ULK2: variants seen among roughly 807,000 people sequenced by gnomAD.
ULK2 encodes the protein unc-51 like autophagy activating kinase 2, also known as serine/threonine-protein kinase ULK2.
ULK2 carries 76 observed loss-of-function variants against 127.5 expected under a neutral mutation model. The observed-to-expected ratio is 0.60, with a 90% CI of 0.50 to 0.72. ULK2 has a LOEUF of 0.72. Ranked by LOEUF, ULK2 falls within the 30% of genes least tolerant of loss-of-function variation. The probability of loss-of-function intolerance (pLI) is 0.00; values close to 1 mark genes in which losing one functional copy is unlikely to be tolerated. For synonymous variants in ULK2, 452 were observed against 461.9 expected (o/e 0.98, Z 0.28); for missense variants, 1,144 against 1,295.9 (o/e 0.88, Z 1.80).
At chr17:19,845,080 T>A (rs1324958923) in intron 7 of ULK2, among the ~76,000 whole-genome samples, 1 of 152,202 alleles carries the variant, frequency 6.6e-6, no homozygotes, top group South Asian at 2.1e-4. Context: ...TAATCTTTTT[T>A]AAAAAATAAA....
intron 13 of ULK2, among the ~76,000 whole-genome samples, chr17:19,814,607 T>C (rs1158079278): frequency 2.0e-5 from 3 of 151,658 alleles, no homozygotes; most frequent in Non-Finnish European, 4.4e-5. Flanking sequence ...AGGTGGGGTC[T>C]TGCCATGATG....
chr17:19,784,508 T>G (rs538908007), intron 21 of ULK2, among the ~76,000 whole-genome samples: 39 of 134,200 alleles, frequency 2.9e-4, no homozygotes, highest in African/African-American at 1.0e-3. Flanking sequence ...ACACTGGACA[T>G]GATACTTTTT....
intron 12 of ULK2, among the ~76,000 whole-genome samples, chr17:19,818,279 C>T (rs575861331): frequency 5.3e-5 from 8 of 150,108 alleles, no homozygotes; most frequent in South Asian, 2.1e-4. Context: ...GCCAAGACTG[C>T]GCCACTGCAC....
In ULK2 at chr17:19,867,311, C is replaced by A. The variant is rs762946329; in HGVS notation, c.90+17G>T. On this transcript the variant is annotated intron_variant, in intron 1 of 26. Coordinates refer to ENST00000395544, the MANE Select transcript of ULK2 (RefSeq NM_014683.4). Reference sequence around the variant, plus strand: ...GCCTGCCGCCCGGGGCCCGGCCTCGCCCCGGCCGGCGCTCACCTGGCGGTG... The same window carrying A: ...GCCTGCCGCCCGGGGCCCGGCCTCGACCCGGCCGGCGCTCACCTGGCGGTG... 3.9e-6 allele frequency: 6 copies of A among 1,556,584 alleles called. No homozygotes were observed. Among genetic ancestry groups the A allele is most frequent in the Middle Eastern group, 1.8e-4 (1 of 5,650 alleles).
intron 9 of ULK2, chr17:19,840,131 G>A (rs906152865): frequency 1.8e-5 from 7 of 386,334 alleles, no homozygotes; most frequent in Admixed American, 2.9e-5. Context: ...CCAAGATGTC[G>A]TTCCCAAAGT....
chr17:19,849,284 G>C, intron 5 of ULK2, 85 bp downstream of exon 5: 4 of 1,163,298 alleles, frequency 3.4e-6, no homozygotes, highest in Middle Eastern at 1.9e-4. Flanking sequence ...AGCAGAAAAT[G>C]GGTAGTGTAT....
chr17:19,845,947 G>GAA (rs1220969635), intron 6 of ULK2, among the ~76,000 whole-genome samples: 1 of 146,708 alleles, frequency 6.8e-6, no homozygotes, highest in Non-Finnish European at 1.5e-5. Context: ...TGTCTCTACT[G>GAA]AAAAAAAAAA....
At chr17:19,835,373 A>G (rs1441565672) in intron 10 of ULK2, among the ~76,000 whole-genome samples, 2 of 149,474 alleles carry the variant, frequency 1.3e-5, no homozygotes, top group Non-Finnish European at 3.0e-5. Flanking sequence ...GAGCCACCAC[A>G]CCCGGCCTCA....
At position 19,827,155 on chromosome 17, in the gene ULK2, G is replaced by T. The variant is rs563055151; in HGVS notation, c.788-969C>A. Among the ~76,000 whole-genome samples the T allele has an allele frequency of 5.9e-5, 9 of 152,160 alleles. No individual in the cohort carries two copies. The South Asian group carries it at 1.9e-3, about 32-fold the overall frequency. On this transcript the variant is annotated intron_variant, in intron 10 of 26. Coordinates refer to ENST00000395544, the MANE Select transcript of ULK2 (RefSeq NM_014683.4). ...ACTTTACAAAACATTAAGAAAATAGGTATTCAGACCATTTCATCTTTTCCC... is the reference window on the plus strand; with the variant it reads ...ACTTTACAAAACATTAAGAAAATAGTTATTCAGACCATTTCATCTTTTCCC...
intron 3 of ULK2, among the ~76,000 whole-genome samples, chr17:19,858,197 T>C (rs2042171880): frequency 6.6e-6 from 1 of 151,904 alleles, no homozygotes. Flanking sequence ...CTCAGAAGTT[T>C]GAGACCAGGC....
chr17:19,863,584 G>C (rs1294025617), intron 3 of ULK2, among the ~76,000 whole-genome samples: 2 of 149,908 alleles, frequency 1.3e-5, no homozygotes, highest in Non-Finnish European at 1.5e-5. Flanking sequence ...CTGCAGCCTT[G>C]AACTCCTGTG....
intron 1 of ULK2, 35 bp downstream of exon 1, chr17:19,867,293 G>T: frequency 6.6e-7 from 1 of 1,510,818 alleles, no homozygotes. Context: ...CGTGCCTGCC[G>T]CCCGGGGCCC....
chr17:19,824,014 G>A (rs973878325), intron 12 of ULK2, among the ~76,000 whole-genome samples: 3 of 152,074 alleles, frequency 2.0e-5, no homozygotes, highest in Admixed American at 1.3e-4. Flanking sequence ...AGAACCCTAC[G>A]AGGTAGGTAA....
At chr17:19,804,475 T>C (rs542821572) in intron 15 of ULK2, among the ~76,000 whole-genome samples, 47 of 151,132 alleles carry the variant, frequency 3.1e-4, no homozygotes, top group African/African-American at 1.1e-3. Flanking sequence ...ATATATAAAA[T>C]ATATACAAAT....
At chr17:19,831,548 G>C (rs1207176058) in intron 10 of ULK2, among the ~76,000 whole-genome samples, 7 of 152,208 alleles carry the variant, frequency 4.6e-5, no homozygotes, top group African/African-American at 1.7e-4. Flanking sequence ...AATAAGGCCA[G>C]GTGCCGTGCC....
chr17:19,831,470 T>C (rs1284535975), intron 10 of ULK2, among the ~76,000 whole-genome samples: 1 of 152,114 alleles, frequency 6.6e-6, no homozygotes, highest in Admixed American at 6.6e-5. Context: ...CTAAAACTTA[T>C]GGGATGTAGC....
chr17:19,840,488 G>A (rs1336344657), intron 9 of ULK2: 3 of 457,622 alleles, frequency 6.6e-6, no homozygotes, highest in African/African-American at 2.1e-5. Context: ...AAGGAAAATT[G>A]GATCAAACAT....
At chr17:19,847,319 T>G (rs1567721722) in intron 5 of ULK2, among the ~76,000 whole-genome samples, 1 of 152,198 alleles carries the variant, frequency 6.6e-6, no homozygotes, top group Non-Finnish European at 1.5e-5. Flanking sequence ...AACCATTATG[T>G]GAGCACAAAT....
At chr17:19,839,833 AG>A (rs2041694837) in intron 9 of ULK2, among the ~76,000 whole-genome samples, 1 of 152,138 alleles carries the variant, frequency 6.6e-6, no homozygotes, top group African/African-American at 2.4e-5. Context: ...ATGAGGGAAA[AG>A]GAGCAGTCTT....
Sources: allele counts gnomAD v4.1 joint callset (sites outside exome capture counted in the v4.1 genomes callset), GRCh38; gene constraint gnomAD v4.1.1; transcripts MANE v1.5; gene names NCBI Gene and HGNC (gene_info 2026-07-23, HGNC 2026-07-21).